AHCYL2: variants seen among roughly 807,000 people sequenced by gnomAD.
The protein encoded by AHCYL2 is adenosylhomocysteinase like 2.
Under a neutral mutation model 81.4 loss-of-function variants are expected in AHCYL2, and 28 were observed. That is an observed-to-expected ratio of 0.34 (90% CI 0.25 to 0.47). The LOEUF (loss-of-function observed/expected upper bound fraction) is 0.47, where lower values mean the gene tolerates loss of function less well. AHCYL2 is among the 20% of genes least tolerant of loss of function. AHCYL2 has a pLI of 1.00. For synonymous variants in AHCYL2, 272 were observed against 290.2 expected, an observed-to-expected ratio of 0.94 and a Z score of 0.64; for missense variants, 551 against 785.1, an observed-to-expected ratio of 0.70 and a Z score of 3.56.
chr7:129,278,031 C>T (rs1318667462), intron 1 of AHCYL2, among the ~76,000 whole-genome samples: 1 of 152,176 alleles, frequency 6.6e-6, no homozygotes, highest in Non-Finnish European at 1.5e-5. Context: ...TGCCGTTTTA[C>T]ATTCCCACCA....
chr7:129,351,892 C>T (rs1793578300), intron 1 of AHCYL2, among the ~76,000 whole-genome samples: 1 of 152,238 alleles, frequency 6.6e-6, no homozygotes, highest in Non-Finnish European at 1.5e-5. Flanking sequence ...GGTATATAAG[C>T]AATGATAGGT....
intron 1 of AHCYL2, among the ~76,000 whole-genome samples, chr7:129,355,862 T>A (rs1793718641): frequency 6.6e-6 from 1 of 152,206 alleles, no homozygotes; most frequent in African/African-American, 2.4e-5. Context: ...ATATTCCCTA[T>A]TTGACTTCAA....
chr7:129,276,691 G>A (rs1327157354), intron 1 of AHCYL2, among the ~76,000 whole-genome samples: 2 of 136,202 alleles, frequency 1.5e-5, no homozygotes, highest in Non-Finnish European at 3.1e-5. Flanking sequence ...AGAGGTTGCA[G>A]TAAGTTGAGA....
At chr7:129,338,300 C>T (rs927029549) in intron 1 of AHCYL2, among the ~76,000 whole-genome samples, 1 of 152,002 alleles carries the variant, frequency 6.6e-6, no homozygotes, top group African/African-American at 2.4e-5. Context: ...AGGTGTGTAC[C>T]ACCACGCCTG....
At chr7:129,397,403 A>G (rs1042132576) in intron 5 of AHCYL2, 79 bp downstream of exon 5, 1 of 1,350,640 alleles carries the variant, frequency 7.4e-7, no homozygotes, top group Non-Finnish European at 1.0e-6. Context: ...TAAATCTTTA[A>G]AGAAGGTTGA....
intron 1 of AHCYL2, among the ~76,000 whole-genome samples, chr7:129,324,840 C>G (rs1798162814): frequency 6.6e-6 from 1 of 152,156 alleles, no homozygotes; most frequent in African/African-American, 2.4e-5. Flanking sequence ...AACTCTGTTT[C>G]CTTTTTTGTA....
intron 1 of AHCYL2, among the ~76,000 whole-genome samples, chr7:129,319,004 G>A (rs1251580980): frequency 4.6e-5 from 7 of 151,626 alleles, no homozygotes; most frequent in Admixed American, 4.6e-4. Flanking sequence ...GAGAAACTGG[G>A]GAAAATATTT....
intron 1 of AHCYL2, among the ~76,000 whole-genome samples, chr7:129,288,540 A>G (rs1021217716): frequency 4.7e-5 from 7 of 148,238 alleles, no homozygotes; most frequent in Non-Finnish European, 1.0e-4. Context: ...TTGTGTTTTT[A>G]GTAGAGACAG....
intron 1 of AHCYL2, among the ~76,000 whole-genome samples, chr7:129,374,668 G>A (rs1356355934): frequency 4.0e-5 from 6 of 151,886 alleles, no homozygotes; most frequent in African/African-American, 1.5e-4. Flanking sequence ...ATTAGCCCGC[G>A]TGGTGGCACA....
chr7:129,410,623 T>C (rs1025216394), intron 11 of AHCYL2, among the ~76,000 whole-genome samples: 1 of 152,228 alleles, frequency 6.6e-6, no homozygotes, highest in African/African-American at 2.4e-5. Flanking sequence ...TTCTCTCTAG[T>C]ATGTAATTAA....
chr7:129,346,449 ACCT>A (rs1793364631), intron 1 of AHCYL2, among the ~76,000 whole-genome samples: 1 of 152,190 alleles, frequency 6.6e-6, no homozygotes, highest in Non-Finnish European at 1.5e-5. Flanking sequence ...GACACAAACA[ACCT>A]GATTAAAAAG....
chr7:129,424,225 C>CAA (rs35521435), intron 13 of AHCYL2, among the ~76,000 whole-genome samples: 2 of 67,362 alleles, frequency 3.0e-5, no homozygotes, highest in East Asian at 3.7e-4. Flanking sequence ...CCTGTCTCTA[C>CAA]AAAAAAAAAA....
intron 1 of AHCYL2, among the ~76,000 whole-genome samples, chr7:129,325,438 C>G (rs1798188590): frequency 6.6e-6 from 1 of 151,814 alleles, no homozygotes; most frequent in Admixed American, 6.6e-5. Flanking sequence ...TTTTTCCCCT[C>G]TCGATGCTTT....
rs994067567 is a variant in AHCYL2 at position 129,362,610 on chromosome 7, T to G, written c.364-17028T>G. On this transcript the variant is annotated intron_variant, in intron 1 of 16. Coordinates refer to ENST00000325006, the MANE Select transcript of AHCYL2 (RefSeq NM_015328.4). ...ATTGGTTTTCTTGTTTTTTTTTTTT[T>G]TTTTTTTTTTTTTTATGGTCTCAGA... is the stretch of plus-strand genomic sequence containing the variant. Among the ~76,000 whole-genome samples, 17 of 145,422 alleles carry G rather than the reference T, an allele frequency of 1.2e-4. 1 individual carries two copies. The highest frequency in any genetic ancestry group is 2.2e-4 in the South Asian group (1 of 4,504).
At chr7:129,293,578 G>A (rs1796947097) in intron 1 of AHCYL2, among the ~76,000 whole-genome samples, 1 of 151,860 alleles carries the variant, frequency 6.6e-6, no homozygotes, top group African/African-American at 2.4e-5. Flanking sequence ...CTAGGGGGGT[G>A]GGAGGACTGC....
In AHCYL2 at chr7:129,379,670, C is replaced by T. The variant is rs1233040491; in HGVS notation, c.396C>T (p.Phe132=). Residue 132 remains phenylalanine (F), a synonymous_variant, in exon 2 of 17, where the codon TTC becomes TTT. Transcript: ENST00000325006. ...AGTTTGCTGACCAGAAGCAAGAATT[C>T]AACAAACGTCCCACCAAAATTGGAC... is the stretch of plus-strand genomic sequence containing the variant. ...QIQFADQKQE[F]NKRPTKIGRR... 3.1e-6 allele frequency: 5 copies of T among 1,614,048 alleles called. No homozygotes were observed. Among genetic ancestry groups the T allele is most frequent in the Non-Finnish European group, 4.2e-6 (5 of 1,179,976 alleles).
intron 1 of AHCYL2, among the ~76,000 whole-genome samples, chr7:129,237,598 G>A (rs1554467413): frequency 6.6e-6 from 1 of 151,812 alleles, no homozygotes; most frequent in Non-Finnish European, 1.5e-5. Context: ...TGTTTTGACG[G>A]AAATTGGAGC....
intron 1 of AHCYL2, among the ~76,000 whole-genome samples, chr7:129,293,200 T>C (rs1304680353): frequency 6.6e-6 from 1 of 152,030 alleles, no homozygotes; most frequent in Non-Finnish European, 1.5e-5. Flanking sequence ...TCATTTGTAA[T>C]GGTTGCGGAA....
chr7:129,345,663 A>G (rs1163555893), intron 1 of AHCYL2, among the ~76,000 whole-genome samples: 3 of 152,188 alleles, frequency 2.0e-5, no homozygotes, highest in Non-Finnish European at 4.4e-5. Context: ...TGGACAGGAA[A>G]TCTAGGCTAG....
Sources: gnomAD v4.1 joint callset for allele counts (sites outside exome capture counted in the v4.1 genomes callset) on GRCh38, gnomAD v4.1.1 for gene constraint, MANE v1.5 for transcripts, NCBI Gene and HGNC (gene_info 2026-07-23, HGNC 2026-07-21) for gene names.